Variants in QTMAN observed in about 807,000 individuals in gnomAD.
QTMAN encodes queuosine-tRNA mannosyltransferase, also known as tRNA-queuosine alpha-mannosyltransferase.
chr2:144,210,991 A>G, the QTMAN span: 1 of 152,324 alleles, frequency 6.6e-6, no homozygotes, highest in East Asian at 1.9e-4. Context: ...AAACCACTCT[A>G]AAGAATATCT....
chr2:144,021,010 A>G, the QTMAN span, among the ~76,000 whole-genome samples: 1 of 152,130 alleles, frequency 6.6e-6, no homozygotes, highest in Non-Finnish European at 1.5e-5. Context: ...AGGATGGGAA[A>G]AGAGATAAAA....
the QTMAN span, among the ~76,000 whole-genome samples, chr2:143,973,632 T>C: frequency 6.6e-6 from 1 of 151,570 alleles, no homozygotes; most frequent in Non-Finnish European, 1.5e-5. Flanking sequence ...CTACTAAAAA[T>C]ATAAAAATTA....
chr2:144,203,531 T>C, the QTMAN span, among the ~76,000 whole-genome samples: 8 of 152,016 alleles, frequency 5.3e-5, no homozygotes, highest in Admixed American at 4.6e-4. Flanking sequence ...AACAAGGCAG[T>C]ACAGGATGGC....
At chr2:143,972,707 T>C in the QTMAN span, among the ~76,000 whole-genome samples, 1 of 152,110 alleles carries the variant, frequency 6.6e-6, no homozygotes, top group Non-Finnish European at 1.5e-5. Flanking sequence ...ACAAAAGAGA[T>C]TTGTGTGAAT....
At chr2:144,038,738 T>C in the QTMAN span, among the ~76,000 whole-genome samples, 1 of 152,184 alleles carries the variant, frequency 6.6e-6, no homozygotes, top group African/African-American at 2.4e-5. Flanking sequence ...TAAATTGATG[T>C]TGTATATGAA....
At chr2:144,052,786 G>C in the QTMAN span, among the ~76,000 whole-genome samples, 1 of 152,100 alleles carries the variant, frequency 6.6e-6, no homozygotes, top group East Asian at 1.9e-4. Context: ...TAAGTAGCTG[G>C]GATTACAGGC....
At chr2:144,014,065 A>C in the QTMAN span, among the ~76,000 whole-genome samples, 1 of 152,212 alleles carries the variant, frequency 6.6e-6, no homozygotes, top group Non-Finnish European at 1.5e-5. Context: ...AACCCATCCC[A>C]ATTTAAAATG....
At chr2:144,281,362 T>C in the QTMAN span, among the ~76,000 whole-genome samples, 73 of 130,276 alleles carry the variant, frequency 5.6e-4, no homozygotes, top group African/African-American at 2.1e-3. Flanking sequence ...ACAAAATATT[T>C]ATACAAGACT....
the QTMAN span, among the ~76,000 whole-genome samples, chr2:144,156,593 A>G: frequency 6.6e-6 from 1 of 152,080 alleles, no homozygotes. Flanking sequence ...CACAGAGGGG[A>G]AACATTTAAA....
the QTMAN span, among the ~76,000 whole-genome samples, chr2:143,955,382 T>G: frequency 6.6e-6 from 1 of 152,164 alleles, no homozygotes; most frequent in African/African-American, 2.4e-5. Flanking sequence ...TAACTCATAT[T>G]TTATGTTATG....
At chr2:144,089,930 G>A in the QTMAN span, among the ~76,000 whole-genome samples, 1 of 151,906 alleles carries the variant, frequency 6.6e-6, no homozygotes, top group African/African-American at 2.4e-5. Context: ...ACAATGACTT[G>A]ATCACTACGC....
the QTMAN span, among the ~76,000 whole-genome samples, chr2:144,084,017 T>C: frequency 1.3e-5 from 2 of 152,238 alleles, no homozygotes; most frequent in Non-Finnish European, 1.5e-5. Context: ...AAGAGAAATA[T>C]TTCTCAACTA....
chr2:143,998,439 G>C, the QTMAN span, among the ~76,000 whole-genome samples: 1 of 151,054 alleles, frequency 6.6e-6, no homozygotes, highest in South Asian at 2.1e-4. Flanking sequence ...CAGAAGGGGG[G>C]GGAAAGCTTA....
At chr2:144,191,207 A>G in the QTMAN span, among the ~76,000 whole-genome samples, 1 of 152,178 alleles carries the variant, frequency 6.6e-6, no homozygotes, top group East Asian at 1.9e-4. Flanking sequence ...CATTATATCT[A>G]TCTTTTGCTG....
the QTMAN span, among the ~76,000 whole-genome samples, chr2:144,157,488 G>C: frequency 6.6e-6 from 1 of 151,904 alleles, no homozygotes; most frequent in Non-Finnish European, 1.5e-5. Context: ...CAATGGTCTA[G>C]AAATGCCAAG....
chr2:144,111,032 A>G, the QTMAN span, among the ~76,000 whole-genome samples: 6 of 152,196 alleles, frequency 3.9e-5, no homozygotes, highest in African/African-American at 1.4e-4. Context: ...GAAAAGTGCA[A>G]AAAATCCAAA....
the QTMAN span, among the ~76,000 whole-genome samples, chr2:144,138,323 G>A: frequency 6.6e-6 from 1 of 152,084 alleles, no homozygotes; most frequent in South Asian, 2.1e-4. Context: ...CAGGAGGAAG[G>A]AACTTAGAAG....
At chr2:144,071,485 A>T in the QTMAN span, among the ~76,000 whole-genome samples, 2 of 152,216 alleles carry the variant, frequency 1.3e-5, no homozygotes, top group Non-Finnish European at 2.9e-5. Context: ...GGCTAAAGTT[A>T]ACAGAAATGG....
chr2:144,146,438 C>A, the QTMAN span, among the ~76,000 whole-genome samples: 3 of 151,286 alleles, frequency 2.0e-5, no homozygotes, highest in African/African-American at 7.3e-5. Context: ...AAAAGGGAAA[C>A]TGAAAGCTTG....
Sources: gnomAD v4.1 joint callset for allele counts (sites outside exome capture counted in the v4.1 genomes callset) on GRCh38, gnomAD v4.1.1 for gene constraint, MANE v1.5 for transcripts, NCBI Gene and HGNC (gene_info 2026-07-23, HGNC 2026-07-21) for gene names.